Variants in MBD5 observed in about 807,000 individuals in gnomAD.
MBD5 encodes methyl-CpG binding domain protein 5.
A neutral mutation model predicts 117.3 loss-of-function variants in MBD5; 13 were observed. The observed-to-expected ratio is 0.11, with a 90% CI of 0.07 to 0.18. MBD5 has a LOEUF of 0.18. Ranked by LOEUF, MBD5 falls within the 10% of genes least tolerant of loss-of-function variation. MBD5 has a pLI of 1.00. For missense variants in MBD5, 1,879 were observed against 2,093.8 expected (o/e 0.90, Z 2.00); for synonymous variants, 727 against 766.4 (o/e 0.95, Z 0.85).
At chr2:148,354,450 A>AT (rs1703323279) in intron 4 of MBD5, among the ~76,000 whole-genome samples, 1 of 152,012 alleles carries the variant, frequency 6.6e-6, no homozygotes, top group Admixed American at 6.6e-5. Flanking sequence ...TGAACTCATC[A>AT]TTTTTTATGG....
chr2:148,198,916 G>C (rs1019384631), intron 2 of MBD5, among the ~76,000 whole-genome samples: 1 of 151,618 alleles, frequency 6.6e-6, no homozygotes, highest in Admixed American at 6.6e-5. Context: ...CAGTAGGGGG[G>C]AATATATATA....
chr2:148,506,117 C>G (rs1359462393), intron 12 of MBD5, among the ~76,000 whole-genome samples: 4 of 152,192 alleles, frequency 2.6e-5, no homozygotes, highest in Non-Finnish European at 5.9e-5. Flanking sequence ...TTTATATAGT[C>G]ATTTTAATCC....
chr2:148,469,645 C>G lies in MBD5; in HGVS notation c.1702C>G (p.Gln568Glu). Residue 568 changes from glutamine (Q) to glutamate (E), a missense_variant, in exon 8 of 14, where the codon CAG becomes GAG. Physicochemically the swap from Gln to Glu is conservative, Grantham distance 29. Around this residue, in one of 4 missense-constraint regions of MBD5, gnomAD observed 1,666 missense variants for 1,792.2 expected, o/e 0.93. Transcript: ENST00000642680. ...AATGCCTTTAAATCAGATCTTGAAC[C>G]AGCACAATGCTGCCTCCTTTCCAGC... ...LGMPLNQILN[Q>E]HNAASFPASS... is the part of the protein sequence containing the mutation. 1 of 1,613,972 alleles carries G rather than the reference C, an allele frequency of 6.2e-7. No individual in the cohort carries two copies. The highest frequency in any genetic ancestry group is 8.5e-7 in the Non-Finnish European group (1 of 1,179,914).
At chr2:148,099,938 A>G (rs906018622) in intron 1 of MBD5, among the ~76,000 whole-genome samples, 4 of 152,214 alleles carry the variant, frequency 2.6e-5, no homozygotes, top group African/African-American at 9.6e-5. Context: ...ATTTGATGCT[A>G]GGTATGAAAT....
intron 3 of MBD5, among the ~76,000 whole-genome samples, chr2:148,327,256 T>G (rs926201694): frequency 1.1e-4 from 17 of 152,210 alleles, no homozygotes; most frequent in African/African-American, 2.9e-4. Flanking sequence ...CTTTCTCTCT[T>G]GCTGCCCTTA....
chr2:148,146,265 GT>G (rs75640968), intron 1 of MBD5, among the ~76,000 whole-genome samples: 62,524 of 151,876 alleles, frequency 0.41, 13,160 homozygotes, highest in South Asian at 0.51. Flanking sequence ...ATTGCCATTT[GT>G]TTTGTTTTTT....
intron 2 of MBD5, among the ~76,000 whole-genome samples, chr2:148,209,698 A>G (rs1471435102): frequency 6.6e-6 from 1 of 152,046 alleles, no homozygotes. Context: ...CATGGCACCA[A>G]CATCTGCTTG....
intron 2 of MBD5, among the ~76,000 whole-genome samples, chr2:148,201,341 G>A (rs999525502): frequency 3.3e-5 from 5 of 152,196 alleles, no homozygotes; most frequent in East Asian, 1.9e-4. Context: ...TCTGGTCTCC[G>A]GACGAGGGAA....
intron 1 of MBD5, among the ~76,000 whole-genome samples, chr2:148,149,672 G>C (rs1036185122): frequency 1.5e-4 from 23 of 152,136 alleles, no homozygotes; most frequent in African/African-American, 5.6e-4. Flanking sequence ...GTTTTGATTT[G>C]CATTTCTCTG....
intron 1 of MBD5, among the ~76,000 whole-genome samples, chr2:148,030,236 CTG>C (rs1694001292): frequency 6.6e-6 from 1 of 151,822 alleles, no homozygotes; most frequent in Non-Finnish European, 1.5e-5. Context: ...GATCATGCCA[CTG>C]CACTTCAGCC....
intron 2 of MBD5, among the ~76,000 whole-genome samples, chr2:148,185,806 A>G (rs1698639763): frequency 6.6e-6 from 1 of 152,146 alleles, no homozygotes. Context: ...GCTATTCAAG[A>G]GGATTGCTTG....
intron 1 of MBD5, chr2:148,054,164 C>G (rs1694794304): frequency 6.6e-6 from 1 of 152,268 alleles, no homozygotes; most frequent in African/African-American, 2.4e-5. Context: ...GCCATGGCCT[C>G]CCAAAGTGCT....
At chr2:148,459,896 A>C (rs1166203151) in intron 5 of MBD5, among the ~76,000 whole-genome samples, 1 of 152,088 alleles carries the variant, frequency 6.6e-6, no homozygotes, top group Non-Finnish European at 1.5e-5. Flanking sequence ...TTGTTGCATA[A>C]ATTTTACTTC....
At chr2:148,159,224 C>T (rs1474341671) in intron 1 of MBD5, among the ~76,000 whole-genome samples, 1 of 152,166 alleles carries the variant, frequency 6.6e-6, no homozygotes, top group African/African-American at 2.4e-5. Context: ...TCCTCTATGC[C>T]ACACTGGACA....
intron 1 of MBD5, among the ~76,000 whole-genome samples, chr2:148,107,636 T>G (rs984654284): frequency 8.5e-5 from 13 of 152,072 alleles, no homozygotes; most frequent in Admixed American, 3.9e-4. Flanking sequence ...TTGACTTTTT[T>G]GCTTTAATTA....
Position 148,206,734 on chromosome 2 carries a change from T to A in MBD5, c.-830-26511T>A, listed in dbSNP as rs1574136537. 2.6e-5 allele frequency among the ~76,000 whole-genome samples: 4 copies of A among 152,240 alleles called. No individual in the cohort carries two copies. In the South Asian group the frequency reaches 8.3e-4, roughly 32 times the overall value. ...TCTTATAAATGTCAAAACATAAAGA[T>A]GAAAAGCCAGATAAAGGTAAGCAAG... On this transcript the variant is annotated intron_variant, in intron 2 of 13. Coordinates refer to ENST00000642680, the MANE Select transcript of MBD5 (RefSeq NM_001378120.1).
At chr2:148,068,623 G>A (rs1343057935) in intron 1 of MBD5, 1 of 152,184 alleles carries the variant, frequency 6.6e-6, no homozygotes, top group African/African-American at 2.4e-5. Flanking sequence ...GTCTGGTGTG[G>A]CTGTACACTA....
At chr2:148,171,624 T>G (rs1174840613) in intron 1 of MBD5, among the ~76,000 whole-genome samples, 2 of 152,086 alleles carry the variant, frequency 1.3e-5, no homozygotes, top group Admixed American at 1.3e-4. Context: ...GCCAGCACAG[T>G]TAGGCAAGAG....
At chr2:148,087,694 A>G (rs1013987064) in intron 1 of MBD5, among the ~76,000 whole-genome samples, 1 of 152,190 alleles carries the variant, frequency 6.6e-6, no homozygotes, top group Non-Finnish European at 1.5e-5. Context: ...GGATTGCCCC[A>G]TGGTGCAAAA....
Sources: allele counts gnomAD v4.1 joint callset (sites outside exome capture counted in the v4.1 genomes callset), GRCh38; gene constraint gnomAD v4.1.1; regional missense constraint gnomAD v4.1.1; transcripts MANE v1.5; gene names NCBI Gene and HGNC (gene_info 2026-07-23, HGNC 2026-07-21).